CCDC148: variants seen among roughly 807,000 people sequenced by gnomAD.
CCDC148 encodes coiled-coil domain containing 148, also known as coiled-coil domain-containing protein 148.
CCDC148 carries 89 observed loss-of-function variants against 85.7 expected under a neutral mutation model. That is an observed-to-expected ratio of 1.04 (90% CI 0.87 to 1.24). The LOEUF is 1.24. Ranked by LOEUF, CCDC148 falls within the 50% of genes most tolerant of loss-of-function variation. CCDC148 has a pLI of 0.00. For missense variants in CCDC148, 692 were observed against 671.7 expected (o/e 1.03, Z -0.33); for synonymous variants, 230 against 213.9 (o/e 1.08, Z -0.66).
At chr2:158,280,498 T>G (rs1244233543) in intron 9 of CCDC148, among the ~76,000 whole-genome samples, 1 of 152,012 alleles carries the variant, frequency 6.6e-6, no homozygotes, top group East Asian at 1.9e-4. Flanking sequence ...TAAAACAGAC[T>G]TTAAACCAAC....
At chr2:158,180,132 T>C (rs533753928) in intron 11 of CCDC148, among the ~76,000 whole-genome samples, 9 of 152,272 alleles carry the variant, frequency 5.9e-5, no homozygotes, top group Non-Finnish European at 1.3e-4. Flanking sequence ...GATTTAGCTT[T>C]CTCTGTGGCA....
chr2:158,192,773 T>G (rs1685483714), intron 11 of CCDC148, among the ~76,000 whole-genome samples: 1 of 151,772 alleles, frequency 6.6e-6, no homozygotes, highest in African/African-American at 2.4e-5. Flanking sequence ...TAGTCCAAGT[T>G]AAGCTGACAA....
chr2:158,357,299 A>T (rs974482022), intron 2 of CCDC148, among the ~76,000 whole-genome samples: 2 of 152,092 alleles, frequency 1.3e-5, no homozygotes, highest in African/African-American at 4.8e-5. Flanking sequence ...ACAAAAAAAA[A>T]GGTAAGGGCT....
Position 158,426,476 on chromosome 2 carries a change from G to A in CCDC148, c.25+29939C>T, listed in dbSNP as rs114646494. Among the ~76,000 whole-genome samples the A allele has an allele frequency of 4.6e-3, 704 of 152,240 alleles. 5 individuals are homozygous for A. The highest frequency in any genetic ancestry group is 0.016 in the African/African-American group (668 of 41,544). On this transcript the variant is annotated intron_variant, in intron 1 of 13. Coordinates refer to ENST00000283233, the MANE Select transcript of CCDC148 (RefSeq NM_138803.4). ...GGAATAGTGCAAAAGGTAAGTCTTA[G>A]ATATGTTAATGTTGATCCAAGTGTT...
chr2:158,230,440 A>C (rs1481981065), intron 10 of CCDC148, among the ~76,000 whole-genome samples: 1 of 152,212 alleles, frequency 6.6e-6, no homozygotes, highest in Admixed American at 6.5e-5. Flanking sequence ...GGAGGGGAGT[A>C]CATTGGGAAG....
intron 8 of CCDC148, among the ~76,000 whole-genome samples, chr2:158,312,578 C>CAAAAAAAA (rs61545122): frequency 2.9e-3 from 222 of 75,260 alleles, no homozygotes; most frequent in Middle Eastern, 0.014. Context: ...GAATCCATCT[C>CAAAAAAAA]AAAAAAAAAA....
intron 7 of CCDC148, among the ~76,000 whole-genome samples, chr2:158,333,036 G>C (rs1022940566): frequency 9.2e-5 from 14 of 151,940 alleles, no homozygotes; most frequent in African/African-American, 3.4e-4. Context: ...ATCTCTTTCA[G>C]TTCTGCTCTG....
At chr2:158,218,828 C>T (rs1320723234) in intron 11 of CCDC148, among the ~76,000 whole-genome samples, 3 of 152,188 alleles carry the variant, frequency 2.0e-5, no homozygotes, top group Non-Finnish European at 2.9e-5. Context: ...CTTCTAACCA[C>T]GAGCCCTGGC....
intron 1 of CCDC148, chr2:158,425,298 C>A: frequency 1.9e-6 from 1 of 534,364 alleles, no homozygotes; most frequent in Non-Finnish European, 3.8e-6. Flanking sequence ...CAATCACCAG[C>A]CATACTAAAG....
intron 9 of CCDC148, among the ~76,000 whole-genome samples, chr2:158,260,796 T>C (rs182022929): frequency 6.6e-6 from 1 of 152,060 alleles, no homozygotes; most frequent in East Asian, 1.9e-4. Context: ...TACCCAGGAA[T>C]ACAGCTAACC....
At chr2:158,372,930 T>C (rs547792901) in intron 1 of CCDC148, among the ~76,000 whole-genome samples, 2 of 152,184 alleles carry the variant, frequency 1.3e-5, no homozygotes, top group African/African-American at 4.8e-5. Context: ...GGCAGAATAG[T>C]GCCCCAAAGA....
At chr2:158,172,304 A>T (rs1325457732) in intron 13 of CCDC148, 45 bp from the exon 14 acceptor site, 1 of 1,430,360 alleles carries the variant, frequency 7.0e-7, no homozygotes, top group Middle Eastern at 2.2e-4. Flanking sequence ...CATTGAACTA[A>T]AATAACTTTT....
At chr2:158,366,579 G>A (rs980659215) in intron 1 of CCDC148, among the ~76,000 whole-genome samples, 2 of 152,270 alleles carry the variant, frequency 1.3e-5, no homozygotes, top group East Asian at 1.9e-4. Context: ...GAAGAGCCTC[G>A]TCCAAAGGCA....
chr2:158,291,335 C>T (rs1404546831), intron 9 of CCDC148, among the ~76,000 whole-genome samples: 2 of 152,170 alleles, frequency 1.3e-5, no homozygotes, highest in African/African-American at 2.4e-5. Context: ...AAAACTCCTG[C>T]TCCTTGATGT....
At chr2:158,335,152 C>T (rs1001428636) in intron 7 of CCDC148, among the ~76,000 whole-genome samples, 1 of 151,746 alleles carries the variant, frequency 6.6e-6, no homozygotes, top group Non-Finnish European at 1.5e-5. Flanking sequence ...AGGCCCTGCC[C>T]TGTCTTCAAA....
intron 1 of CCDC148, among the ~76,000 whole-genome samples, chr2:158,360,358 C>A (rs1480654943): frequency 6.6e-6 from 1 of 152,094 alleles, no homozygotes; most frequent in Non-Finnish European, 1.5e-5. Context: ...GGTCACTGAC[C>A]CCCATGTCTC....
At chr2:158,375,923 A>C (rs921753383) in intron 1 of CCDC148, among the ~76,000 whole-genome samples, 15 of 152,132 alleles carry the variant, frequency 9.9e-5, no homozygotes, top group Non-Finnish European at 1.9e-4. Flanking sequence ...CTGCTGTACC[A>C]GCCCTGGACT....
chr2:158,193,265 T>C (rs13414688), intron 11 of CCDC148, among the ~76,000 whole-genome samples: 3,126 of 152,226 alleles, frequency 0.021, 118 homozygotes, highest in African/African-American at 0.071. Flanking sequence ...ATGTCTTGTT[T>C]GCACCGCCCC....
At chr2:158,455,985 T>C (rs1688674552) in intron 1 of CCDC148, among the ~76,000 whole-genome samples, 1 of 152,220 alleles carries the variant, frequency 6.6e-6, no homozygotes, top group Non-Finnish European at 1.5e-5. Context: ...TACTCTTTTG[T>C]GAAATCATCA....
Sources: allele counts gnomAD v4.1 joint callset (sites outside exome capture counted in the v4.1 genomes callset), GRCh38; gene constraint gnomAD v4.1.1; transcripts MANE v1.5; gene names NCBI Gene and HGNC (gene_info 2026-07-23, HGNC 2026-07-21).